The following MGA variants were observed in gnomAD, a reference collection of about 807,000 sequenced individuals.
MGA encodes the protein MAX dimerization protein MGA, also known as MAX gene-associated protein.
A neutral mutation model predicts 261.1 loss-of-function variants in MGA; 40 were observed. The ratio of observed to expected loss-of-function variants is 0.15; its 90% CI spans 0.12 to 0.20. The LOEUF (loss-of-function observed/expected upper bound fraction) is 0.20, where lower values mean the gene tolerates loss of function less well. Among genes scored for constraint, MGA ranks in the 10% least tolerant of loss-of-function variants. MGA has a pLI of 1.00. For missense variants in MGA, 3,397 were observed against 3,630.5 expected (o/e 0.94, Z 1.65); for synonymous variants, 1,302 against 1,290.6 (o/e 1.01, Z -0.19).
intron 2 of MGA, among the ~76,000 whole-genome samples, chr15:41,674,820 T>C (rs1398893693): frequency 6.6e-6 from 1 of 152,208 alleles, no homozygotes; most frequent in Non-Finnish European, 1.5e-5. Context: ...GCCCGGCCAA[T>C]AGTGAATATT....
rs747453106 is a variant in MGA at position 41,641,783 on chromosome 15, C to T, written c.-68+20485C>T. ...GATTACAGGCATGAGCCACCGTGTC[C>T]GGCCTACACTTTTTTTGTTCTATTT... On this transcript the variant is annotated intron_variant, in intron 1 of 8. Coordinates refer to the MGA transcript ENST00000566718. Among the ~76,000 whole-genome samples, 4 of 151,898 alleles carry T rather than the reference C, an allele frequency of 2.6e-5. 1 individual carries two copies. Among genetic ancestry groups the T allele is most frequent in the African/African-American group, 9.7e-5 (4 of 41,346 alleles).
intron 17 of MGA, among the ~76,000 whole-genome samples, chr15:41,752,549 GTTTTTTT>G (rs35282917): frequency 1.4e-4 from 14 of 102,144 alleles, no homozygotes; most frequent in African/African-American, 5.2e-4. Flanking sequence ...AACCTTTAAA[GTTTTTTT>G]TTTTTTTTTT....
Position 41,768,561 on chromosome 15 carries a change from A to G in MGA, c.*1281A>G, listed in dbSNP as rs1201992628. On this transcript the variant is annotated 3_prime_UTR_variant, in exon 24 of 24. Transcript: ENST00000219905. ...TAGGGGGTCAAGAATCACTATTCTG[A>G]AACTGTATAGACTGGGATTTAGCTG... 1.3e-5 allele frequency: 2 copies of G among 152,586 alleles called. No homozygotes were observed. The highest frequency in any genetic ancestry group is 2.9e-5 in the Non-Finnish European group (2 of 68,026). 9.5% of individuals were successfully genotyped at this position (152,586 alleles called of 1,614,324 possible).
At position 41,711,215 on chromosome 15, in the gene MGA, C is replaced by A; in HGVS notation, c.2950C>A (p.Arg984Ser). ...GCAGCAGCAACAGCAACAGGGAAGT[C>A]GCCCTCCAGGCTTGTCTAAATCTCA... is the stretch of plus-strand genomic sequence containing the variant. Residue 984 changes from arginine to serine, a missense_variant, in exon 8 of 24, where the codon CGC becomes AGC. By Grantham distance (110) the Arg-to-Ser change is moderately radical. Around this residue, in one of 9 missense-constraint regions of MGA, gnomAD observed 519 missense variants for 554.1 expected, o/e 0.94. Coordinates refer to ENST00000219905, the MANE Select transcript of MGA (RefSeq NM_001164273.2). 6.2e-7 allele frequency: 1 copy of A among 1,613,978 alleles called. No homozygotes were observed. The highest frequency in any genetic ancestry group is 1.1e-5 in the South Asian group (1 of 91,074).
In MGA at chr15:41,750,140, T is replaced by C. The variant is rs756501731; in HGVS notation, c.6533T>C (p.Leu2178Pro). The change falls in exon 17 of 24, where the codon CTG becomes CCG. Residue 2178 changes from leucine (L) to proline (P), a missense_variant. Physicochemically the swap from Leu to Pro is moderately conservative, Grantham distance 98. This residue lies in a region of MGA where 1,410 missense variants were observed against 1,386.4 expected (regional missense o/e 1.02). Coordinates refer to ENST00000219905, the MANE Select transcript of MGA (RefSeq NM_001164273.2). ...GACAGGGAAAGATGGAGAAAACATC[T>C]GAAGGGCCCCTTAACCAGGAAATGT... The C allele has an allele frequency of 1.2e-6, 2 of 1,613,880 alleles. No individual in the cohort carries two copies. The highest frequency in any genetic ancestry group is 1.7e-6 in the Non-Finnish European group (2 of 1,179,866).
intron 9 of MGA, among the ~76,000 whole-genome samples, chr15:41,720,867 C>T (rs983081068): frequency 1.3e-5 from 2 of 152,052 alleles, no homozygotes; most frequent in African/African-American, 4.8e-5. Flanking sequence ...CAGATTCAAA[C>T]ATAAATGGAC....
intron 9 of MGA, among the ~76,000 whole-genome samples, chr15:41,721,823 A>G (rs1002311464): frequency 5.3e-5 from 8 of 152,224 alleles, no homozygotes; most frequent in Admixed American, 5.2e-4. Flanking sequence ...TTGAAGATTC[A>G]TAGCCCTTGA....
chr15:41,658,125 T>C (rs2057245550), upstream of MGA, among the ~76,000 whole-genome samples: 1 of 152,234 alleles, frequency 6.6e-6, no homozygotes, highest in African/African-American at 2.4e-5. Flanking sequence ...CCAGACTGTT[T>C]AATTGCATGC....
chr15:41,677,528 G>A (rs1161516918), intron 2 of MGA, among the ~76,000 whole-genome samples: 1 of 152,150 alleles, frequency 6.6e-6, no homozygotes, highest in Non-Finnish European at 1.5e-5. Context: ...CCGCAATACT[G>A]TTTTCCAAAG....
chr15:41,651,028 C>T (rs1207627188), intron 1 of MGA, among the ~76,000 whole-genome samples: 2 of 152,096 alleles, frequency 1.3e-5, no homozygotes, highest in African/African-American at 4.8e-5. Context: ...GCACTGGGAT[C>T]TGATGAGGGT....
chr15:41,625,372 C>G (rs2056423686), intron 1 of MGA, among the ~76,000 whole-genome samples: 1 of 151,350 alleles, frequency 6.6e-6, no homozygotes, highest in South Asian at 2.1e-4. Context: ...TCAGCAAAGC[C>G]TGGCAAATTG....
At chr15:41,645,120 C>G (rs2056910326) in intron 1 of MGA, among the ~76,000 whole-genome samples, 1 of 152,040 alleles carries the variant, frequency 6.6e-6, no homozygotes, top group Admixed American at 6.6e-5. Context: ...AGTAAATGTT[C>G]CTTAGCCTTA....
intron 15 of MGA, among the ~76,000 whole-genome samples, chr15:41,747,478 C>T (rs1224439450): frequency 6.6e-6 from 1 of 151,658 alleles, no homozygotes; most frequent in Non-Finnish European, 1.5e-5. Flanking sequence ...ACCTATAATC[C>T]CAACATTTTA....
intron 17 of MGA, chr15:41,752,103 G>C (rs1218002897): frequency 6.6e-6 from 1 of 152,190 alleles, no homozygotes; most frequent in Non-Finnish European, 1.5e-5. Context: ...TGCGAACTCA[G>C]CTCACTGCAA....
upstream of MGA, among the ~76,000 whole-genome samples, chr15:41,658,680 G>A (rs2057261180): frequency 2.6e-5 from 4 of 151,550 alleles, no homozygotes; most frequent in South Asian, 8.4e-4. Context: ...GAGATCTGTA[G>A]TACTGAATCT....
chr15:41,736,438 T>G lies in MGA; in HGVS notation c.4174T>G (p.Ser1392Ala), dbSNP rs765194468. The G allele has an allele frequency of 6.2e-7, 1 of 1,614,048 alleles. No individual in the cohort carries two copies. Among genetic ancestry groups the G allele is most frequent in the South Asian group, 1.1e-5 (1 of 91,086 alleles). The change falls in exon 13 of 24, where the codon TCT becomes GCT. Residue 1392 changes from serine to alanine, a missense_variant. Around this residue, in one of 9 missense-constraint regions of MGA, gnomAD observed 1,410 missense variants for 1,386.4 expected, o/e 1.02. Transcript: ENST00000219905. ...GGGTGAGAAGAACCCTCCTGTTTAT[T>G]CTTCTCGTGTGAAAATCTCTATGCC...
intron 18 of MGA, among the ~76,000 whole-genome samples, chr15:41,754,792 C>T (rs1349878913): frequency 1.3e-5 from 2 of 151,822 alleles, no homozygotes; most frequent in African/African-American, 4.8e-5. Context: ...TTTTGGAGCC[C>T]GATAGACTGG....
intron 1 of MGA, among the ~76,000 whole-genome samples, chr15:41,633,832 C>T (rs867477845): frequency 1.4e-4 from 22 of 152,246 alleles, no homozygotes; most frequent in Middle Eastern, 3.4e-3. Flanking sequence ...CAGTGACTTC[C>T]TATTTCTGGC....
intron 11 of MGA, among the ~76,000 whole-genome samples, chr15:41,732,370 A>T (rs2061555596): frequency 6.6e-6 from 1 of 152,076 alleles, no homozygotes; most frequent in Admixed American, 6.6e-5. Flanking sequence ...GGGTGGTCTC[A>T]GTCTCCTGAC....
Sources: gnomAD v4.1 joint callset for allele counts (sites outside exome capture counted in the v4.1 genomes callset) on GRCh38, gnomAD v4.1.1 for gene constraint, gnomAD v4.1.1 regional missense constraint, MANE v1.5 for transcripts, NCBI Gene and HGNC (gene_info 2026-07-23, HGNC 2026-07-21) for gene names.